The following TLK1 variants were observed in gnomAD, a reference collection of about 807,000 sequenced individuals.
The protein encoded by TLK1 is tousled like kinase 1, also known as serine/threonine-protein kinase tousled-like 1.
TLK1 carries 24 observed loss-of-function variants against 105.3 expected under a neutral mutation model. That is an observed-to-expected ratio of 0.23 (90% CI 0.17 to 0.32). TLK1 has a LOEUF of 0.32. Ranked by LOEUF, TLK1 falls within the 10% of genes least tolerant of loss-of-function variation. The pLI is 1.00. For missense variants in TLK1, 558 were observed against 910.5 expected (o/e 0.61, Z 4.98); for synonymous variants, 321 against 310.4 (o/e 1.03, Z -0.36).
intron 12 of TLK1, among the ~76,000 whole-genome samples, chr2:171,019,119 A>T (rs1685351693): frequency 7.3e-6 from 1 of 136,374 alleles, no homozygotes; most frequent in Non-Finnish European, 1.5e-5. Flanking sequence ...GTTAAAATTA[A>T]AAAAAAAAAA....
intron 13 of TLK1, among the ~76,000 whole-genome samples, chr2:171,013,648 A>T (rs1461031855): frequency 6.6e-6 from 1 of 152,118 alleles, no homozygotes; most frequent in Non-Finnish European, 1.5e-5. Context: ...TTATTCCATA[A>T]CTATTTCTTT....
At chr2:171,144,619 A>C (rs1428091601) in intron 1 of TLK1, among the ~76,000 whole-genome samples, 1 of 152,204 alleles carries the variant, frequency 6.6e-6, no homozygotes, top group Non-Finnish European at 1.5e-5. Context: ...CTTGAGATGA[A>C]TAAAAACAAA....
chr2:171,045,020 G>A (rs962402803), intron 11 of TLK1, among the ~76,000 whole-genome samples: 1 of 151,894 alleles, frequency 6.6e-6, no homozygotes, highest in African/African-American at 2.4e-5. Context: ...GAGACTAAAG[G>A]GATTTGTAAT....
At chr2:171,140,601 T>C (rs2105576189) in intron 1 of TLK1, among the ~76,000 whole-genome samples, 1 of 152,298 alleles carries the variant, frequency 6.6e-6, no homozygotes, top group South Asian at 2.1e-4. Flanking sequence ...ATTCAAATAA[T>C]CTCAATCCTT....
intron 3 of TLK1, among the ~76,000 whole-genome samples, chr2:171,075,597 G>A (rs1452301192): frequency 6.6e-6 from 1 of 152,022 alleles, no homozygotes; most frequent in Non-Finnish European, 1.5e-5. Context: ...ATAAGCACAC[G>A]TATAAACAGA....
chr2:171,037,392 G>A (rs950390876), intron 11 of TLK1, among the ~76,000 whole-genome samples: 1 of 151,372 alleles, frequency 6.6e-6, no homozygotes, highest in African/African-American at 2.4e-5. Flanking sequence ...AGTGAGCCAA[G>A]GTCGTGCCAT....
Position 171,056,039 on chromosome 2 carries a change from T to C in TLK1, c.549+432A>G, listed in dbSNP as rs185889388. Among the ~76,000 whole-genome samples, 70 of 152,160 alleles carry C rather than the reference T, an allele frequency of 4.6e-4. 1 individual carries two copies. In the East Asian group the frequency reaches 0.012, roughly 25 times the overall value. ...AGATAATTTTAAGTCCATGATTCTT[T>C]TCCTATACTGAACTACATACCCTGC... On this transcript the variant is annotated intron_variant, in intron 6 of 20. Coordinates refer to ENST00000431350, the MANE Select transcript of TLK1 (RefSeq NM_012290.5).
chr2:171,121,508 G>A, intron 1 of TLK1, among the ~76,000 whole-genome samples: 1 of 152,210 alleles, frequency 6.6e-6, no homozygotes, highest in East Asian at 1.9e-4. Flanking sequence ...TCCACGCTGG[G>A]TGACACAGCG....
chr2:171,160,217 CGGGGGGGGG>C lies in TLK1; in HGVS notation c.139+64_139+72del. 3 of 958,284 alleles carry C rather than the reference CGGGGGGGGG, an allele frequency of 3.1e-6. No individual in the cohort carries two copies. The highest frequency in any genetic ancestry group is 4.0e-6 in the Non-Finnish European group (3 of 758,314). 59.4% of individuals were successfully genotyped at this position (958,284 alleles called of 1,614,324 possible). ...CGGAGAAGCCCCGGGGCGGGGGGGG[CGGGGGGGGG>C]GCGCGGGGGTCCGCGGCGCGGGAGA... On this transcript the variant is annotated intron_variant, in intron 1 of 20. Transcript: ENST00000431350. The surrounding 1 kb of genome is among the most constrained non-coding windows in gnomAD (Gnocchi z 4.4).
At chr2:171,123,204 A>C (rs1282116343) in intron 1 of TLK1, among the ~76,000 whole-genome samples, 1 of 151,938 alleles carries the variant, frequency 6.6e-6, no homozygotes, top group Admixed American at 6.6e-5. Context: ...TCATCTGTTA[A>C]ATTTTGTTTT....
At chr2:171,096,336 T>C (rs1411277981) in intron 2 of TLK1, among the ~76,000 whole-genome samples, 1 of 151,942 alleles carries the variant, frequency 6.6e-6, no homozygotes, top group African/African-American at 2.4e-5. Context: ...CCCATCTCTA[T>C]AAAAAATAAA....
chr2:171,208,743 A>C (rs1693554974), intron 1 of TLK1, among the ~76,000 whole-genome samples: 3 of 152,252 alleles, frequency 2.0e-5, no homozygotes, highest in Non-Finnish European at 4.4e-5. Flanking sequence ...TTTACAACTC[A>C]TTCTCTTGGG....
intron 2 of TLK1, among the ~76,000 whole-genome samples, chr2:171,103,900 A>G (rs912739544): frequency 6.6e-6 from 1 of 152,216 alleles, no homozygotes; most frequent in Non-Finnish European, 1.5e-5. Flanking sequence ...GTTAGAACTG[A>G]TAAATTCAGT....
intron 1 of TLK1, among the ~76,000 whole-genome samples, chr2:171,129,755 A>C (rs1213397111): frequency 2.0e-5 from 3 of 152,094 alleles, no homozygotes; most frequent in African/African-American, 7.2e-5. Flanking sequence ...ACTTGAGCCC[A>C]GGAAGTAGAG....
chr2:171,100,900 A>G (rs1355575826), intron 2 of TLK1, among the ~76,000 whole-genome samples: 1 of 152,226 alleles, frequency 6.6e-6, no homozygotes, highest in Non-Finnish European at 1.5e-5. Context: ...CATTTGCATC[A>G]AAAAACGGAA....
chr2:170,998,573 C>T (rs1425856684), intron 18 of TLK1, among the ~76,000 whole-genome samples: 1 of 152,136 alleles, frequency 6.6e-6, no homozygotes, highest in Non-Finnish European at 1.5e-5. Flanking sequence ...TTTTGCTTCT[C>T]CCCAGGTGGC....
At position 171,103,371 on chromosome 2, in the gene TLK1, G is replaced by A. The variant is rs567488645; in HGVS notation, c.258+14368C>T. ...CTCACTGCAATCTCCGCCGCCTCCT[G>A]GGTTCAAGCAATTCTCCTGCCTCGG... On this transcript the variant is annotated intron_variant, in intron 2 of 20. Transcript: ENST00000431350. Among the ~76,000 whole-genome samples, 3 of 148,668 alleles carry A rather than the reference G, an allele frequency of 2.0e-5. 1 individual carries two copies. In the South Asian group the frequency reaches 6.4e-4, roughly 32 times the overall value.
At position 171,046,107 on chromosome 2, in the gene TLK1, T is replaced by C. The variant is rs1364130095; in HGVS notation, c.1169+67A>G. 13 of 1,279,884 alleles carry C rather than the reference T, an allele frequency of 1.0e-5. No individual in the cohort carries two copies. The South Asian group carries it at 2.2e-4, about 22-fold the overall frequency. 79.3% of individuals were successfully genotyped at this position (1,279,884 alleles called of 1,614,324 possible). ...ATCTAAGTATTAATTATAAATAACA[T>C]CCATTAGTAACATTCACGCTCACTG... On this transcript the variant is annotated intron_variant, in intron 11 of 20. Transcript: ENST00000431350.
intron 1 of TLK1, among the ~76,000 whole-genome samples, chr2:171,188,725 A>C (rs939027563): frequency 6.0e-5 from 9 of 149,928 alleles, no homozygotes; most frequent in Non-Finnish European, 1.2e-4. Flanking sequence ...AAAAAAAAAA[A>C]GAAAATTAGT....
Sources: allele counts gnomAD v4.1 joint callset (sites outside exome capture counted in the v4.1 genomes callset), GRCh38; gene constraint gnomAD v4.1.1; non-coding constraint Gnocchi (gnomAD v3.1); transcripts MANE v1.5; gene names NCBI Gene and HGNC (gene_info 2026-07-23, HGNC 2026-07-21).